The following COL28A1 variants were observed in gnomAD, a reference collection of about 807,000 sequenced individuals.
COL28A1 encodes the protein collagen type XXVIII alpha 1 chain.
A neutral mutation model predicts 150.2 loss-of-function variants in COL28A1; 161 were observed. The ratio of observed to expected loss-of-function variants is 1.07; its 90% CI spans 0.94 to 1.22. The LOEUF is 1.22. Among genes scored for constraint, COL28A1 ranks in the 50% most tolerant of loss-of-function variants. The pLI is 0.00. For synonymous variants in COL28A1, 552 were observed against 469.7 expected (o/e 1.18, Z -2.26); for missense variants, 1,617 against 1,388.3 (o/e 1.16, Z -2.62).
At chr7:7,388,140 C>T (rs1454804779) in intron 27 of COL28A1, among the ~76,000 whole-genome samples, 1 of 151,994 alleles carries the variant, frequency 6.6e-6, no homozygotes, top group East Asian at 1.9e-4. Context: ...TTAGACATTT[C>T]TCCTAATGCT....
rs893901473 is a variant in COL28A1, at chr7:7,422,535, G to A, written c.1999-2582C>T. On this transcript the variant is annotated intron_variant, in intron 25 of 34. Transcript: ENST00000399429. ...TCCCAGCTACTGGGGAGGCTGAGGC[G>A]GGAGAATCACTTGAACCCGGGAGGC... 4.6e-5 allele frequency among the ~76,000 whole-genome samples: 7 copies of A among 151,890 alleles called. No individual in the cohort carries two copies. In the South Asian group the frequency reaches 8.3e-4, roughly 18 times the overall value.
intron 15 of COL28A1, among the ~76,000 whole-genome samples, chr7:7,473,347 A>G (rs1226047752): frequency 6.6e-6 from 1 of 152,186 alleles, no homozygotes; most frequent in Non-Finnish European, 1.5e-5. Context: ...TATCAAGAAA[A>G]AAACAAATAA....
intron 33 of COL28A1, among the ~76,000 whole-genome samples, chr7:7,370,004 C>T (rs946416047): frequency 6.6e-6 from 1 of 152,030 alleles, no homozygotes; most frequent in African/African-American, 2.4e-5. Flanking sequence ...TAGCACTCAT[C>T]GGTAACTAAA....
chr7:7,499,043 T>C (rs976991173), intron 11 of COL28A1, among the ~76,000 whole-genome samples: 2 of 152,126 alleles, frequency 1.3e-5, no homozygotes, highest in East Asian at 3.8e-4. Flanking sequence ...CACTTCAAGT[T>C]GTCACTATCA....
rs1784639629 is a variant in COL28A1 at position 7,426,317 on chromosome 7, G to A, written c.1998+6156C>T. On this transcript the variant is annotated intron_variant, in intron 25 of 34. Transcript: ENST00000399429. ...AACTACTCCAACTACCACAAACATAGGCAGAACTCTGGAATGAATTACATA... is the reference window on the plus strand; with the variant it reads ...AACTACTCCAACTACCACAAACATAAGCAGAACTCTGGAATGAATTACATA... Among the ~76,000 whole-genome samples the A allele has an allele frequency of 2.0e-5, 3 of 152,268 alleles. No individual in the cohort carries two copies. In the South Asian group the frequency reaches 6.2e-4, roughly 32 times the overall value.
chr7:7,354,020 GA>G (rs200274362), downstream of COL28A1, among the ~76,000 whole-genome samples: 60 of 146,704 alleles, frequency 4.1e-4, no homozygotes, highest in African/African-American at 8.5e-4. Context: ...AGATAAAGGA[GA>G]AAAAAAAATT....
intron 34 of COL28A1, among the ~76,000 whole-genome samples, chr7:7,359,056 T>TA (rs1780488384): frequency 6.6e-6 from 1 of 152,140 alleles, no homozygotes; most frequent in Non-Finnish European, 1.5e-5. Flanking sequence ...GAAACCACAT[T>TA]AAAAATGTTT....
chr7:7,386,796 AG>A (rs1782211328), intron 27 of COL28A1, among the ~76,000 whole-genome samples: 1 of 152,170 alleles, frequency 6.6e-6, no homozygotes, highest in Non-Finnish European at 1.5e-5. Flanking sequence ...CAGGTCCCAC[AG>A]GTCGCAGTCT....
chr7:7,485,299 AT>A (rs1779564943), intron 13 of COL28A1, among the ~76,000 whole-genome samples: 1 of 152,094 alleles, frequency 6.6e-6, no homozygotes, highest in Non-Finnish European at 1.5e-5. Context: ...ATTTTGCCCA[AT>A]TTCTAATTCG....
upstream of COL28A1, among the ~76,000 whole-genome samples, chr7:7,539,982 C>A (rs1218147645): frequency 2.6e-5 from 4 of 152,164 alleles, no homozygotes; most frequent in Non-Finnish European, 5.9e-5. Context: ...GACTATTAAT[C>A]TCTTTCTCTA....
Position 7,489,384 on chromosome 7 carries a change from C to A in COL28A1, c.1164+5G>T, listed in dbSNP as rs1160620836. On this transcript the variant is annotated splice_donor_5th_base_variant and intron_variant, in intron 13 of 34. Coordinates refer to ENST00000399429, the MANE Select transcript of COL28A1 (RefSeq NM_001037763.3). Reference sequence around the variant, plus strand: ...TTCATTCCATCTAGAATTTTTGCTACTTACTGGCTGTCCAGGCTCACCAAC... The same window carrying A: ...TTCATTCCATCTAGAATTTTTGCTAATTACTGGCTGTCCAGGCTCACCAAC... 8.0e-7 allele frequency: 1 copy of A among 1,255,226 alleles called. No individual in the cohort carries two copies. Among genetic ancestry groups the A allele is most frequent in the South Asian group, 1.2e-5 (1 of 84,034 alleles). 77.8% of individuals were successfully genotyped at this position (1,255,226 alleles called of 1,614,324 possible).
rs867955461 is a variant in COL28A1, at chr7:7,519,053, G to C, written c.813+1009C>G. On this transcript the variant is annotated intron_variant, in intron 6 of 34. Coordinates refer to ENST00000399429, the MANE Select transcript of COL28A1 (RefSeq NM_001037763.3). ...TCTTTAATATTCCTTCCTTATATTA[G>C]GACATTCTCATGCTGCTAACAAAGA... Among the ~76,000 whole-genome samples, 4 of 152,022 alleles carry C rather than the reference G, an allele frequency of 2.6e-5. No homozygotes were observed. In the East Asian group the frequency reaches 7.7e-4, roughly 29 times the overall value.
chr7:7,453,346 A>T, intron 17 of COL28A1, 94 bp downstream of exon 17: 1 of 788,454 alleles, frequency 1.3e-6, no homozygotes, highest in Non-Finnish European at 2.2e-6. Flanking sequence ...TTTTAAGTTC[A>T]TTCTACCTGC....
At chr7:7,523,248 C>T (rs1330007409) in intron 4 of COL28A1, among the ~76,000 whole-genome samples, 3 of 151,684 alleles carry the variant, frequency 2.0e-5, no homozygotes, top group Non-Finnish European at 1.5e-5. Context: ...ACCTCTGCCT[C>T]CTGGGTTCAA....
At chr7:7,526,053 G>A (rs1460166054) in intron 3 of COL28A1, among the ~76,000 whole-genome samples, 4 of 152,210 alleles carry the variant, frequency 2.6e-5, no homozygotes, top group Non-Finnish European at 2.9e-5. Context: ...GGAGAAATAG[G>A]AACTCAGATA....
intron 9 of COL28A1, among the ~76,000 whole-genome samples, chr7:7,508,327 C>A (rs1334747315): frequency 6.6e-6 from 1 of 152,104 alleles, no homozygotes; most frequent in African/African-American, 2.4e-5. Context: ...TTTATTTACT[C>A]ATTTCCCTAG....
chr7:7,500,168 C>A (rs1296498630), intron 11 of COL28A1, among the ~76,000 whole-genome samples: 1 of 152,176 alleles, frequency 6.6e-6, no homozygotes, highest in African/African-American at 2.4e-5. Flanking sequence ...ATTGCCATCT[C>A]CTTGACCCTT....
At chr7:7,510,166 AC>A (rs1326089840) in intron 9 of COL28A1, among the ~76,000 whole-genome samples, 1 of 152,170 alleles carries the variant, frequency 6.6e-6, no homozygotes, top group African/African-American at 2.4e-5. Flanking sequence ...TTTACTCTGT[AC>A]TTTTTTGGAC....
intron 12 of COL28A1, among the ~76,000 whole-genome samples, chr7:7,489,831 C>T (rs1196485589): frequency 6.6e-6 from 1 of 152,170 alleles, no homozygotes; most frequent in Non-Finnish European, 1.5e-5. Flanking sequence ...CTTGTCCCCA[C>T]TCTATCCTAT....
Sources: allele counts gnomAD v4.1 joint callset (sites outside exome capture counted in the v4.1 genomes callset), GRCh38; gene constraint gnomAD v4.1.1; transcripts MANE v1.5; gene names NCBI Gene and HGNC (gene_info 2026-07-23, HGNC 2026-07-21).